The following TLR6 variants were observed in gnomAD, a reference collection of about 807,000 sequenced individuals.
The protein encoded by TLR6 is toll like receptor 6.
A neutral mutation model predicts 16.1 loss-of-function variants in TLR6; 9 were observed. The observed-to-expected ratio is 0.56, with a 90% CI of 0.34 to 0.98. TLR6 has a LOEUF of 0.98. Ranked by LOEUF, TLR6 falls within the 50% of genes least tolerant of loss-of-function variation. TLR6 has a pLI of 0.02. For synonymous variants in TLR6, 340 were observed against 338.6 expected (o/e 1.00, Z -0.04); for missense variants, 786 against 921.0 (o/e 0.85, Z 1.90).
At chr4:38,862,681 C>T in the TLR6 span, among the ~76,000 whole-genome samples, 4 of 148,424 alleles carry the variant, frequency 2.7e-5, no homozygotes, top group Admixed American at 1.4e-4. Flanking sequence ...CTGCAACCTC[C>T]GCCTCCCAGG....
intron 1 of TLR6, among the ~76,000 whole-genome samples, chr4:38,841,160 C>T (rs1712240807): frequency 6.7e-6 from 1 of 149,308 alleles, no homozygotes; most frequent in African/African-American, 2.5e-5. Flanking sequence ...ATCTTCACAT[C>T]ATTTCCAATA....
intron 1 of TLR6, among the ~76,000 whole-genome samples, chr4:38,854,583 G>T (rs552666139): frequency 6.6e-6 from 1 of 151,920 alleles, no homozygotes; most frequent in Non-Finnish European, 1.5e-5. Flanking sequence ...TATCCAGGTT[G>T]GTAGGTGGAA....
intron 1 of TLR6, among the ~76,000 whole-genome samples, chr4:38,845,845 A>T (rs900566556): frequency 8.5e-5 from 13 of 152,130 alleles, no homozygotes; most frequent in African/African-American, 3.1e-4. Flanking sequence ...TAATCCTAGC[A>T]CTTTGGGAGG....
chr4:38,831,723 A>T (rs192888664), intron 1 of TLR6, among the ~76,000 whole-genome samples: 140 of 152,346 alleles, frequency 9.2e-4, no homozygotes, highest in African/African-American at 3.2e-3. Flanking sequence ...CACCTCACCA[A>T]AGAAGATATG....
At chr4:38,863,558 C>T in the TLR6 span, among the ~76,000 whole-genome samples, 1 of 152,216 alleles carries the variant, frequency 6.6e-6, no homozygotes, top group Non-Finnish European at 1.5e-5. Context: ...TTCCTCATAT[C>T]AATAAATGAT....
chr4:38,841,877 T>C (rs371553478), intron 1 of TLR6, among the ~76,000 whole-genome samples: 1 of 152,232 alleles, frequency 6.6e-6, no homozygotes, highest in Non-Finnish European at 1.5e-5. Flanking sequence ...AATATGTACG[T>C]CATTATTGTT....
chr4:38,831,559 G>A (rs1458552775), intron 1 of TLR6, among the ~76,000 whole-genome samples: 1 of 152,132 alleles, frequency 6.6e-6, no homozygotes. Context: ...GACACTGCAA[G>A]AGAGTGAAAA....
chr4:38,840,189 A>C (rs1392748819), intron 1 of TLR6, among the ~76,000 whole-genome samples: 1 of 152,228 alleles, frequency 6.6e-6, no homozygotes, highest in Non-Finnish European at 1.5e-5. Context: ...CAATGATGAA[A>C]AATTTAGTTT....
chr4:38,855,916 G>A, intron 1 of TLR6, among the ~76,000 whole-genome samples: 1 of 151,886 alleles, frequency 6.6e-6, no homozygotes, highest in East Asian at 1.9e-4. Flanking sequence ...AAATAAAAAG[G>A]GTGAGGAAAT....
At chr4:38,856,360 C>T (rs891436220) in intron 1 of TLR6, among the ~76,000 whole-genome samples, 1 of 152,148 alleles carries the variant, frequency 6.6e-6, no homozygotes, top group African/African-American at 2.4e-5. Context: ...ATCAAACACA[C>T]GTCTGCTGTA....
intron 1 of TLR6, among the ~76,000 whole-genome samples, chr4:38,841,195 CT>C (rs1264489002): frequency 1.3e-5 from 1 of 75,326 alleles, no homozygotes; most frequent in African/African-American, 1.6e-4. Flanking sequence ...TTTGTAAAGA[CT>C]ATTTAGAGAG....
At chr4:38,823,450 G>A (rs1321174548), downstream of TLR6, among the ~76,000 whole-genome samples, 1 of 152,122 alleles carries the variant, frequency 6.6e-6, no homozygotes, top group Non-Finnish European at 1.5e-5. Flanking sequence ...CAGCCCAAAC[G>A]GACTGACACC....
At chr4:38,837,470 C>G (rs1332426111) in intron 1 of TLR6, among the ~76,000 whole-genome samples, 4 of 152,198 alleles carry the variant, frequency 2.6e-5, no homozygotes, top group Non-Finnish European at 4.4e-5. Context: ...ACAACATACA[C>G]TGGGGAAAGA....
intron 1 of TLR6, among the ~76,000 whole-genome samples, chr4:38,846,508 G>A (rs1443757923): frequency 6.6e-6 from 1 of 152,134 alleles, no homozygotes; most frequent in South Asian, 2.1e-4. Context: ...AAACTCACCA[G>A]GGGAGGCCAA....
intron 1 of TLR6, among the ~76,000 whole-genome samples, chr4:38,838,896 GAA>G (rs1479441824): frequency 6.3e-5 from 7 of 111,682 alleles, no homozygotes; most frequent in African/African-American, 2.4e-4. Context: ...GAAAGAAAGA[GAA>G]AAAGAGAAGG....
In TLR6 at chr4:38,827,739, C is replaced by T. The variant is rs1727616192; in HGVS notation, c.1735G>A (p.Glu579Lys). The change falls in exon 2 of 2, where the codon GAA becomes AAA. Residue 579 changes from glutamate to lysine, a missense_variant. By Grantham distance (56) the Glu-to-Lys change is moderately conservative. Transcript: ENST00000436693. ...AGCAGAGTTATGTTGCAGGATAATT[C>T]AGACATGTGAAAGTCCTTTAGTGGG... 1.9e-6 allele frequency: 3 copies of T among 1,614,232 alleles called. No individual in the cohort carries two copies. The East Asian group carries it at 6.7e-5, about 36-fold the overall frequency.
At chr4:38,839,748 C>T (rs1712155798) in intron 1 of TLR6, among the ~76,000 whole-genome samples, 1 of 152,198 alleles carries the variant, frequency 6.6e-6, no homozygotes, top group South Asian at 2.1e-4. Context: ...ACAATGATCC[C>T]TGACTGGTAA....
chr4:38,858,862 A>G (rs2109482250), upstream of TLR6, among the ~76,000 whole-genome samples: 1 of 137,822 alleles, frequency 7.3e-6, no homozygotes, highest in South Asian at 2.5e-4. Context: ...AAAGAAAGAA[A>G]GAAAGAAAGA....
At chr4:38,853,253 A>G in intron 1 of TLR6, among the ~76,000 whole-genome samples, 1 of 139,322 alleles carries the variant, frequency 7.2e-6, no homozygotes, top group Non-Finnish European at 1.6e-5. Context: ...GGGGGGAGGG[A>G]AAGCATTAGG....
Sources: gnomAD v4.1 joint callset for allele counts (sites outside exome capture counted in the v4.1 genomes callset) on GRCh38, gnomAD v4.1.1 for gene constraint, MANE v1.5 for transcripts, NCBI Gene and HGNC (gene_info 2026-07-23, HGNC 2026-07-21) for gene names.